The following FAM13A variants were observed in gnomAD, a reference collection of about 807,000 sequenced individuals.
FAM13A encodes the protein protein FAM13A.
FAM13A carries 76 observed loss-of-function variants against 129.6 expected under a neutral mutation model. That is an observed-to-expected ratio of 0.59 (90% CI 0.49 to 0.71). FAM13A has a LOEUF of 0.71. Among genes scored for constraint, FAM13A ranks in the 30% least tolerant of loss-of-function variants. The pLI, the probability that FAM13A is intolerant of heterozygous loss-of-function variation, is 0.00. For synonymous variants in FAM13A, 443 were observed against 449.9 expected (o/e 0.98, Z 0.20); for missense variants, 1,108 against 1,249.3 (o/e 0.89, Z 1.70).
intron 11 of FAM13A, among the ~76,000 whole-genome samples, chr4:88,770,306 T>C (rs1720394050): frequency 6.6e-6 from 1 of 152,250 alleles, no homozygotes; most frequent in African/African-American, 2.4e-5. Context: ...AAAGAATCTT[T>C]GTTCCCATTG....
At chr4:88,733,309 T>G (rs541697430) in intron 21 of FAM13A, among the ~76,000 whole-genome samples, 8 of 152,344 alleles carry the variant, frequency 5.3e-5, no homozygotes, top group African/African-American at 1.9e-4. Flanking sequence ...GACTATCATA[T>G]AACTGATATC....
At chr4:88,910,180 C>T (rs1436800069) in intron 5 of FAM13A, among the ~76,000 whole-genome samples, 2 of 152,144 alleles carry the variant, frequency 1.3e-5, no homozygotes, top group Non-Finnish European at 2.9e-5. Flanking sequence ...TAATAGATCA[C>T]ATACGGCATA....
At chr4:88,887,440 A>C (rs1744606274) in intron 6 of FAM13A, among the ~76,000 whole-genome samples, 1 of 152,222 alleles carries the variant, frequency 6.6e-6, no homozygotes, top group Non-Finnish European at 1.5e-5. Context: ...AAGGCTTTGA[A>C]GCCAAAGAGC....
In FAM13A at chr4:88,923,079, G is replaced by T. The variant is rs924700238; in HGVS notation, c.759+15009C>A. ...ATCAATAGCTTACCAACCAAAAAGG[G>T]TCCAGGACCAGATGGATTCACAGCC... On this transcript the variant is annotated intron_variant, in intron 5 of 23. Coordinates refer to ENST00000264344, the MANE Select transcript of FAM13A (RefSeq NM_014883.4). Among the ~76,000 whole-genome samples, 437 of 152,196 alleles carry T rather than the reference G, an allele frequency of 2.9e-3. 3 individuals are homozygous for T. Among genetic ancestry groups the T allele is most frequent in the African/African-American group, 9.7e-3 (402 of 41,512 alleles).
At chr4:88,738,887 T>C (rs1739562639) in intron 20 of FAM13A, 143 bp downstream of exon 20, 1 of 622,346 alleles carries the variant, frequency 1.6e-6, no homozygotes, top group Admixed American at 2.7e-5. Context: ...TTCCTCAAGC[T>C]TGTGGGCCAT....
At chr4:88,969,875 G>A (rs926808705) in intron 4 of FAM13A, among the ~76,000 whole-genome samples, 1 of 152,228 alleles carries the variant, frequency 6.6e-6, no homozygotes, top group Admixed American at 6.5e-5. Context: ...TAGTGCTGAA[G>A]CCTATGCTCT....
chr4:88,787,050 G>C (rs1271404934), intron 10 of FAM13A, among the ~76,000 whole-genome samples: 1 of 151,870 alleles, frequency 6.6e-6, no homozygotes, highest in Admixed American at 6.6e-5. Context: ...TATCTGTATA[G>C]TCTATTCTCT....
At chr4:88,859,345 GA>G (rs1224859284) in intron 6 of FAM13A, among the ~76,000 whole-genome samples, 2 of 152,168 alleles carry the variant, frequency 1.3e-5, no homozygotes, top group Non-Finnish European at 2.9e-5. Context: ...GAGTGGGTGA[GA>G]GGGGATGGAA....
chr4:88,730,725 A>G (rs1323467300), intron 23 of FAM13A, among the ~76,000 whole-genome samples: 1 of 152,154 alleles, frequency 6.6e-6, no homozygotes, highest in African/African-American at 2.4e-5. Flanking sequence ...TTTTCATTTA[A>G]ACTTGGCAAT....
intron 6 of FAM13A, among the ~76,000 whole-genome samples, chr4:88,880,743 G>C (rs1240483422): frequency 8.0e-6 from 1 of 125,240 alleles, no homozygotes; most frequent in Non-Finnish European, 1.6e-5. Context: ...CAGCTGCCTG[G>C]AAATAAACTC....
chr4:88,877,560 T>C (rs1742756966), intron 6 of FAM13A, among the ~76,000 whole-genome samples: 1 of 152,208 alleles, frequency 6.6e-6, no homozygotes, highest in Admixed American at 6.5e-5. Flanking sequence ...CACATAGGTG[T>C]AGGAAAAGAG....
At chr4:88,836,962 G>GA (rs76318928) in intron 7 of FAM13A, among the ~76,000 whole-genome samples, 10,768 of 148,188 alleles carry the variant, frequency 0.073, 547 homozygotes, top group African/African-American at 0.15. Context: ...TCCATCTCAA[G>GA]AAAAAAAAAA....
At chr4:88,994,443 A>G (rs1350806327) in intron 3 of FAM13A, among the ~76,000 whole-genome samples, 1 of 152,218 alleles carries the variant, frequency 6.6e-6, no homozygotes, top group Non-Finnish European at 1.5e-5. Context: ...CAACACCTTC[A>G]GAGGAGGCTT....
At chr4:88,861,406 TAAACG>T (rs1739476359) in intron 6 of FAM13A, among the ~76,000 whole-genome samples, 1 of 145,334 alleles carries the variant, frequency 6.9e-6, no homozygotes, top group Non-Finnish European at 1.5e-5. Flanking sequence ...AAAACTAAAC[TAAACG>T]AAATAATCCA....
chr4:88,887,656 A>T (rs1200140107), intron 6 of FAM13A, among the ~76,000 whole-genome samples: 1 of 150,890 alleles, frequency 6.6e-6, no homozygotes, highest in Non-Finnish European at 1.5e-5. Flanking sequence ...TTAGCCTCCC[A>T]AATAGCTGGG....
At chr4:88,977,206 G>A (rs1338133822) in intron 4 of FAM13A, among the ~76,000 whole-genome samples, 5 of 152,022 alleles carry the variant, frequency 3.3e-5, no homozygotes, top group Non-Finnish European at 7.4e-5. Context: ...TTGCATTTGG[G>A]GTGATTAAGT....
At chr4:88,998,665 A>C (rs191832128) in intron 3 of FAM13A, among the ~76,000 whole-genome samples, 415 of 152,350 alleles carry the variant, frequency 2.7e-3, no homozygotes, top group Non-Finnish European at 5.0e-3. Flanking sequence ...TATAAACTAC[A>C]TAAGAATAAA....
At chr4:88,856,962 TA>T (rs1219858012) in intron 6 of FAM13A, among the ~76,000 whole-genome samples, 2 of 152,160 alleles carry the variant, frequency 1.3e-5, no homozygotes, top group South Asian at 2.1e-4. Context: ...TGTTTTTGCT[TA>T]AAAAAAGTTT....
At chr4:88,956,833 C>G (rs1757822078) in intron 4 of FAM13A, among the ~76,000 whole-genome samples, 1 of 152,162 alleles carries the variant, frequency 6.6e-6, no homozygotes, top group Non-Finnish European at 1.5e-5. Flanking sequence ...TATAATGGCC[C>G]TTGTGATTAT....
Sources: allele counts gnomAD v4.1 joint callset (sites outside exome capture counted in the v4.1 genomes callset), GRCh38; gene constraint gnomAD v4.1.1; transcripts MANE v1.5; gene names NCBI Gene and HGNC (gene_info 2026-07-23, HGNC 2026-07-21).